Variants in C9orf85 observed in about 807,000 individuals in gnomAD.
The protein encoded by C9orf85 is chromosome 9 open reading frame 85.
C9orf85 carries 16 observed loss-of-function variants against 14.9 expected under a neutral mutation model. The observed-to-expected ratio is 1.08, with a 90% CI of 0.73 to 1.63. The LOEUF is 1.63. Among genes scored for constraint, C9orf85 ranks in the 40% most tolerant of loss-of-function variants. The pLI is 0.00. For missense variants in C9orf85, 172 were observed against 186.1 expected (o/e 0.92, Z 0.44); for synonymous variants, 45 against 56.8 (o/e 0.79, Z 0.93).
At chr9:71,939,453 C>CA (rs1340108687) in intron 1 of C9orf85, among the ~76,000 whole-genome samples, 2 of 151,984 alleles carry the variant, frequency 1.3e-5, no homozygotes, top group Non-Finnish European at 2.9e-5. Flanking sequence ...CAATATATTA[C>CA]AAATGACTGG....
chr9:71,940,495 C>G (rs1395395566), intron 1 of C9orf85, among the ~76,000 whole-genome samples: 1 of 152,086 alleles, frequency 6.6e-6, no homozygotes, highest in East Asian at 1.9e-4. Context: ...AGATGTTCAA[C>G]ATTATTAGTT....
intron 1 of C9orf85, among the ~76,000 whole-genome samples, chr9:71,915,563 G>A (rs979598546): frequency 6.6e-6 from 1 of 152,074 alleles, no homozygotes; most frequent in African/African-American, 2.4e-5. Context: ...GTTGATCAAA[G>A]CCTAAAAAAA....
rs116139987 is a variant in C9orf85, at chr9:71,923,056, G to A, written c.102+11220G>A. On this transcript the variant is annotated intron_variant, in intron 1 of 3. Coordinates refer to ENST00000334731, the MANE Select transcript of C9orf85 (RefSeq NM_182505.5). Reference sequence around the variant, plus strand: ...GGAGTGGGAGAATTGCATGAACCCAGTAGGCAGAGGTTGCAGTGAGCTGAG... The same window carrying A: ...GGAGTGGGAGAATTGCATGAACCCAATAGGCAGAGGTTGCAGTGAGCTGAG... 9.2e-3 allele frequency among the ~76,000 whole-genome samples: 1,395 copies of A among 152,306 alleles called. 22 individuals carry two copies. The highest frequency in any genetic ancestry group is 0.031 in the African/African-American group (1,293 of 41,552).
downstream of C9orf85, chr9:71,985,832 A>G (rs1435898934): frequency 6.6e-6 from 1 of 152,236 alleles, no homozygotes; most frequent in Non-Finnish European, 1.5e-5. Flanking sequence ...TAGAGAAGAA[A>G]AGGCATTTTC....
chr9:71,952,912 T>C (rs540640140), intron 2 of C9orf85, among the ~76,000 whole-genome samples: 1 of 151,698 alleles, frequency 6.6e-6, no homozygotes, highest in African/African-American at 2.4e-5. Flanking sequence ...TTAGCCAATG[T>C]TTAACCTTGC....
At chr9:71,917,839 C>T (rs72739875) in intron 1 of C9orf85, among the ~76,000 whole-genome samples, 9,167 of 152,182 alleles carry the variant, frequency 0.06, 381 homozygotes, top group Non-Finnish European at 0.091. Context: ...CTATGCATGA[C>T]ATTGATATAA....
At chr9:71,954,843 G>A (rs1407017839) in intron 2 of C9orf85, among the ~76,000 whole-genome samples, 1 of 152,096 alleles carries the variant, frequency 6.6e-6, no homozygotes, top group East Asian at 1.9e-4. Context: ...ATTTTACCCA[G>A]CTCCTATTCA....
At chr9:71,953,928 A>G (rs1049443951) in intron 2 of C9orf85, among the ~76,000 whole-genome samples, 10 of 151,950 alleles carry the variant, frequency 6.6e-5, no homozygotes, top group African/African-American at 2.4e-4. Flanking sequence ...GCAAGACCTC[A>G]TATCTACAAA....
chr9:71,923,448 A>G (rs1397659853), intron 1 of C9orf85, among the ~76,000 whole-genome samples: 1 of 152,052 alleles, frequency 6.6e-6, no homozygotes, highest in Non-Finnish European at 1.5e-5. Context: ...TTATATTTTT[A>G]GTAGAGATGG....
chr9:71,943,450 C>T (rs780840050), intron 1 of C9orf85, among the ~76,000 whole-genome samples: 1 of 152,118 alleles, frequency 6.6e-6, no homozygotes, highest in Non-Finnish European at 1.5e-5. Flanking sequence ...TATTTTTCAG[C>T]ATCAGCATGT....
intron 2 of C9orf85, among the ~76,000 whole-genome samples, chr9:71,956,274 G>T (rs1822379656): frequency 1.0e-5 from 1 of 98,234 alleles, no homozygotes. Context: ...TTTTGAGACA[G>T]AATTTCGCTC....
chr9:71,967,769 C>T (rs1372821806), intron 2 of C9orf85, among the ~76,000 whole-genome samples: 2 of 122,286 alleles, frequency 1.6e-5, no homozygotes, highest in Admixed American at 1.0e-4. Context: ...CCTCCAATAT[C>T]ATGCTGAAAA....
intron 2 of C9orf85, among the ~76,000 whole-genome samples, chr9:71,959,205 T>C (rs1822451702): frequency 6.6e-6 from 1 of 151,984 alleles, no homozygotes. Context: ...TGGCACGATC[T>C]CGGCTCACTG....
downstream of C9orf85, among the ~76,000 whole-genome samples, chr9:71,974,260 T>TC (rs1188579993): frequency 6.7e-6 from 1 of 150,132 alleles, no homozygotes; most frequent in Non-Finnish European, 1.5e-5. Context: ...TTTTTTTTTT[T>TC]TTGAGATGGA....
chr9:71,951,580 C>T (rs904286757), intron 2 of C9orf85, among the ~76,000 whole-genome samples: 4 of 152,152 alleles, frequency 2.6e-5, no homozygotes, highest in African/African-American at 4.8e-5. Context: ...GTCAGTATCT[C>T]CCTTGACACA....
Position 71,911,809 on chromosome 9 carries a change from C to G in C9orf85, c.75C>G (p.Asp25Glu), listed in dbSNP as rs1006080136. ...KHQNTFSFKN[D>E]KFDKSVQTKK... Reference sequence around the variant, plus strand: ...AGAATACGTTTAGCTTCAAAAATGACAAGTTCGATAAAAGTGTGCAGACCA... The same window carrying G: ...AGAATACGTTTAGCTTCAAAAATGAGAAGTTCGATAAAAGTGTGCAGACCA... The change falls in exon 1 of 4, where the codon GAC (aspartate) becomes GAG (glutamate). Residue 25 changes from aspartate (D) to glutamate (E), a missense_variant. By Grantham distance (45) the Asp-to-Glu change is conservative (BLOSUM62 2). Transcript: ENST00000334731. 2 of 1,614,116 alleles carry G rather than the reference C, an allele frequency of 1.2e-6. No individual in the cohort carries two copies. Among genetic ancestry groups the G allele is most frequent in the Middle Eastern group, 1.7e-4 (1 of 6,060 alleles).
chr9:71,965,128 A>G (rs1490122356), intron 2 of C9orf85, among the ~76,000 whole-genome samples: 1 of 152,154 alleles, frequency 6.6e-6, no homozygotes, highest in Non-Finnish European at 1.5e-5. Flanking sequence ...GATTTAATAG[A>G]GTAGAAACAG....
chr9:71,953,816 GAGGC>G (rs2132322613), intron 2 of C9orf85, among the ~76,000 whole-genome samples: 1 of 152,238 alleles, frequency 6.6e-6, no homozygotes, highest in South Asian at 2.1e-4. Context: ...GTGGGGGAGG[GAGGC>G]AGGCACAGTC....
At chr9:71,983,038 C>G (rs554139490) in exon 4 of C9orf85, 2 of 154,168 alleles carry the variant, frequency 1.3e-5, no homozygotes, top group Admixed American at 6.5e-5. Flanking sequence ...CTCTATAGCC[C>G]GGGCTGGAGT....
Sources: allele counts gnomAD v4.1 joint callset (sites outside exome capture counted in the v4.1 genomes callset), GRCh38; gene constraint gnomAD v4.1.1; transcripts MANE v1.5; gene names NCBI Gene and HGNC (gene_info 2026-07-23, HGNC 2026-07-21).